The following GABRB1 variants were observed in gnomAD, a reference collection of about 807,000 sequenced individuals.
The protein encoded by GABRB1 is gamma-aminobutyric acid type A receptor subunit beta1, also known as gamma-aminobutyric acid receptor subunit beta-1.
GABRB1 carries 17 observed loss-of-function variants against 51.6 expected under a neutral mutation model. That is an observed-to-expected ratio of 0.33 (90% CI 0.23 to 0.49). The LOEUF is 0.49. Ranked by LOEUF, GABRB1 falls within the 20% of genes least tolerant of loss-of-function variation. The pLI is 0.99. For synonymous variants in GABRB1, 247 were observed against 218.9 expected (o/e 1.13, Z -1.14); for missense variants, 410 against 600.6 (o/e 0.68, Z 3.32).
At chr4:47,256,962 A>G (rs762323352) in intron 4 of GABRB1, among the ~76,000 whole-genome samples, 42 of 152,180 alleles carry the variant, frequency 2.8e-4, no homozygotes, top group Admixed American at 9.8e-4. Flanking sequence ...TATGGCTCAC[A>G]GGTTATATCA....
intron 5 of GABRB1, among the ~76,000 whole-genome samples, chr4:47,390,182 T>TA: frequency 6.6e-6 from 1 of 152,358 alleles, no homozygotes; most frequent in South Asian, 2.1e-4. Context: ...AGGGGACTGC[T>TA]ATGAGATAAT....
intron 4 of GABRB1, among the ~76,000 whole-genome samples, chr4:47,301,253 G>T (rs1256935720): frequency 6.6e-6 from 1 of 152,016 alleles, no homozygotes; most frequent in African/African-American, 2.4e-5. Flanking sequence ...AAATCCATTG[G>T]ATATTATAGT....
intron 4 of GABRB1, among the ~76,000 whole-genome samples, chr4:47,204,252 A>G (rs923658371): frequency 2.4e-4 from 37 of 152,140 alleles, no homozygotes; most frequent in African/African-American, 8.4e-4. Flanking sequence ...AGCTGGCCAC[A>G]AACTGCAATT....
chr4:47,263,393 G>T (rs1281811592), intron 4 of GABRB1, among the ~76,000 whole-genome samples: 2 of 151,966 alleles, frequency 1.3e-5, no homozygotes, highest in Non-Finnish European at 2.9e-5. Flanking sequence ...TATGACTAGG[G>T]GAGAAGTAAG....
At chr4:47,395,539 C>T (rs1323155708) in intron 5 of GABRB1, among the ~76,000 whole-genome samples, 3 of 152,156 alleles carry the variant, frequency 2.0e-5, no homozygotes, top group Non-Finnish European at 2.9e-5. Context: ...AACCATATCA[C>T]TCCCTGCTCA....
upstream of GABRB1, among the ~76,000 whole-genome samples, chr4:47,027,548 AT>A (rs201572913): frequency 3.0e-3 from 452 of 151,184 alleles, 2 homozygotes; most frequent in East Asian, 0.022. Context: ...AAACACAAGA[AT>A]TTTTTTTTAA....
chr4:47,101,934 C>T (rs956051077), intron 3 of GABRB1, among the ~76,000 whole-genome samples: 1 of 151,964 alleles, frequency 6.6e-6, no homozygotes, highest in Non-Finnish European at 1.5e-5. Flanking sequence ...TTTACAAAAG[C>T]GCCTCCTTCA....
At chr4:47,200,243 A>G (rs1719845285) in intron 4 of GABRB1, among the ~76,000 whole-genome samples, 1 of 152,168 alleles carries the variant, frequency 6.6e-6, no homozygotes, top group Admixed American at 6.6e-5. Flanking sequence ...GAAACAGGAT[A>G]AGGTACATGG....
chr4:47,096,941 A>G (rs1483325384), intron 3 of GABRB1, among the ~76,000 whole-genome samples: 2 of 152,196 alleles, frequency 1.3e-5, no homozygotes, highest in Non-Finnish European at 2.9e-5. Context: ...ACACAACTGT[A>G]AGGTAGCCAA....
At chr4:47,333,625 G>A (rs898066338) in intron 5 of GABRB1, among the ~76,000 whole-genome samples, 7 of 152,110 alleles carry the variant, frequency 4.6e-5, no homozygotes, top group African/African-American at 1.7e-4. Flanking sequence ...TGAGGCAGGA[G>A]AATCACTTGA....
chr4:47,157,850 C>A (rs1045655729), intron 3 of GABRB1, among the ~76,000 whole-genome samples: 1 of 152,064 alleles, frequency 6.6e-6, no homozygotes, highest in Non-Finnish European at 1.5e-5. Context: ...AGGCTACTAA[C>A]TCCAGAAATG....
intron 8 of GABRB1, among the ~76,000 whole-genome samples, chr4:47,415,434 G>C (rs987239118): frequency 2.0e-5 from 3 of 152,026 alleles, no homozygotes; most frequent in Admixed American, 6.6e-5. Context: ...TTTGACCCTA[G>C]CACAAAATTA....
At chr4:47,294,599 C>T (rs967854934) in intron 4 of GABRB1, among the ~76,000 whole-genome samples, 39 of 152,314 alleles carry the variant, frequency 2.6e-4, no homozygotes, top group African/African-American at 6.7e-4. Context: ...ACAAAGCAGC[C>T]GGGAAGCTCG....
intron 3 of GABRB1, among the ~76,000 whole-genome samples, chr4:47,041,486 AAAGGTCTTCAG>A: frequency 6.6e-6 from 1 of 152,250 alleles, no homozygotes; most frequent in South Asian, 2.1e-4. Flanking sequence ...AGTATGGATG[AAAGGTCTTCAG>A]ATATATCAGG....
intron 5 of GABRB1, among the ~76,000 whole-genome samples, chr4:47,324,973 G>A (rs1040925041): frequency 1.3e-5 from 2 of 151,958 alleles, no homozygotes; most frequent in African/African-American, 4.8e-5. Context: ...TTTCTCCCCC[G>A]CTCTATTGCC....
At chr4:47,238,710 GTTTT>G (rs1174854132) in intron 4 of GABRB1, among the ~76,000 whole-genome samples, 2 of 152,098 alleles carry the variant, frequency 1.3e-5, no homozygotes, top group Non-Finnish European at 2.9e-5. Flanking sequence ...GTGTCGAAAA[GTTTT>G]GGAATACTTA....
chr4:47,067,765 G>C (rs1311566866), intron 3 of GABRB1, among the ~76,000 whole-genome samples: 1 of 151,750 alleles, frequency 6.6e-6, no homozygotes, highest in African/African-American at 2.4e-5. Flanking sequence ...TGGGGTACAT[G>C]TGCAGGATAT....
At chr4:47,285,436 A>G (rs577614121) in intron 4 of GABRB1, among the ~76,000 whole-genome samples, 16 of 152,366 alleles carry the variant, frequency 1.1e-4, no homozygotes, top group African/African-American at 3.1e-4. Context: ...ACATTTTTAT[A>G]TAGAACGTAC....
At chr4:47,182,788 C>A (rs1010305747) in intron 4 of GABRB1, among the ~76,000 whole-genome samples, 1 of 151,876 alleles carries the variant, frequency 6.6e-6, no homozygotes, top group Non-Finnish European at 1.5e-5. Context: ...TAAGAATGAG[C>A]CTTTTTGTCA....
Sources: gnomAD v4.1 joint callset for allele counts (sites outside exome capture counted in the v4.1 genomes callset) on GRCh38, gnomAD v4.1.1 for gene constraint, MANE v1.5 for transcripts, NCBI Gene and HGNC (gene_info 2026-07-23, HGNC 2026-07-21) for gene names.